The following NRIP1 variants were observed in gnomAD, a reference collection of about 807,000 sequenced individuals.
NRIP1 encodes nuclear receptor-interacting protein 1.
In NRIP1, 28 loss-of-function variants were observed where a neutral mutation model predicts 75.0. That is an observed-to-expected ratio of 0.37 (90% CI 0.28 to 0.51). The LOEUF (loss-of-function observed/expected upper bound fraction) is 0.51, where lower values mean the gene tolerates loss of function less well. Among genes scored for constraint, NRIP1 ranks in the 20% least tolerant of loss-of-function variants. NRIP1 has a pLI of 0.92. For missense variants in NRIP1, 1,435 were observed against 1,343.7 expected (o/e 1.07, Z -1.06); for synonymous variants, 526 against 487.6 (o/e 1.08, Z -1.04).
upstream of NRIP1, chr21:15,065,138 T>G (rs1466431708): frequency 2.5e-4 from 38 of 152,308 alleles, no homozygotes; most frequent in Admixed American, 2.5e-3. Context: ...TCTTAACCCT[T>G]TTCTCCCCCT....
intron 3 of NRIP1, among the ~76,000 whole-genome samples, chr21:15,003,013 C>A (rs1051713099): frequency 6.6e-6 from 1 of 151,990 alleles, no homozygotes; most frequent in African/African-American, 2.4e-5. Flanking sequence ...TATGGCATCA[C>A]GGTGGTATGG....
Position 14,965,064 on chromosome 21 carries a change from C to CT in NRIP1, c.3128dup (p.Trp1044ValfsTer5). The CT allele has an allele frequency of 6.2e-7, 1 of 1,613,868 alleles. No homozygotes were observed. The highest frequency in any genetic ancestry group is 8.5e-7 in the Non-Finnish European group (1 of 1,179,916). The stretch of plus-strand genomic sequence containing the variant: ...TCTTCTCCGCATCAGTGATAACCCA[C>CT]TTAATGGGTCCTTTCTCACTGGGCA... On this transcript the variant is annotated frameshift_variant, in exon 4 of 4. Coordinates refer to ENST00000318948, the MANE Select transcript of NRIP1 (RefSeq NM_003489.4). LOFTEE classifies it high-confidence loss of function.
At chr21:15,014,679 C>A (rs551890898) in intron 2 of NRIP1, among the ~76,000 whole-genome samples, 3 of 152,212 alleles carry the variant, frequency 2.0e-5, no homozygotes, top group South Asian at 4.1e-4. Flanking sequence ...ATAAAAGTAG[C>A]TGCTTCAACA....
chr21:15,040,072 A>G (rs1340862925), intron 2 of NRIP1, among the ~76,000 whole-genome samples: 1 of 152,116 alleles, frequency 6.6e-6, no homozygotes, highest in Non-Finnish European at 1.5e-5. Flanking sequence ...ATGTAACTCT[A>G]TAGCTGTGCT....
At position 14,967,470 on chromosome 21, in the gene NRIP1, C is replaced by T; in HGVS notation, c.723G>A (p.Gln241=). The T allele has an allele frequency of 6.2e-7, 1 of 1,614,122 alleles. No homozygotes were observed. The highest frequency in any genetic ancestry group is 1.1e-5 in the South Asian group (1 of 91,080). ...SEPLSCAARL[Q]AVASMVEKRA... is the part of the protein sequence containing the mutation. Reference sequence around the variant, plus strand: ...TTTTTTCCACCATGCTTGCAACAGCCTGTAATCTTGCAGCACATGACAACG... The same window carrying T: ...TTTTTTCCACCATGCTTGCAACAGCTTGTAATCTTGCAGCACATGACAACG... The change falls in exon 4 of 4, where the codon CAG becomes CAA. Residue 241 remains glutamine, a synonymous_variant. Coordinates refer to ENST00000318948, the MANE Select transcript of NRIP1 (RefSeq NM_003489.4).
chr21:15,016,120 T>A (rs1485119635), intron 2 of NRIP1, among the ~76,000 whole-genome samples: 3 of 152,204 alleles, frequency 2.0e-5, no homozygotes, highest in African/African-American at 7.2e-5. Context: ...TGTATTTGAT[T>A]TTCACAACTC....
In NRIP1 at chr21:14,968,238, A is replaced by C. The variant is rs1165986114; in HGVS notation, c.-46T>G. ...AGGGCTTGGTTTCTATTCACTTTAA[A>C]GAATGGTTTTCTGTGGTGAGTGCGA... On this transcript the variant is annotated 5_prime_UTR_variant, in exon 4 of 4. Transcript: ENST00000318948. 2 of 1,392,858 alleles carry C rather than the reference A, an allele frequency of 1.4e-6. No individual in the cohort carries two copies. The highest frequency in any genetic ancestry group is 2.9e-5 in the African/African-American group (2 of 69,156). The allele number at this position is 1,392,858 out of a possible 1,614,324, so 86.3% of individuals were successfully genotyped here. A position where few individuals can be genotyped will look rare whatever the true frequency, so the allele number is the denominator to read the frequency against.
chr21:15,001,584 T>C (rs2087850824), intron 3 of NRIP1, among the ~76,000 whole-genome samples: 1 of 152,124 alleles, frequency 6.6e-6, no homozygotes, highest in Non-Finnish European at 1.5e-5. Context: ...ATAAGAAATA[T>C]GCAATTTCCT....
intron 3 of NRIP1, among the ~76,000 whole-genome samples, chr21:15,012,601 C>T (rs954450983): frequency 6.6e-6 from 1 of 151,762 alleles, no homozygotes; most frequent in African/African-American, 2.4e-5. Context: ...TACAGGCACG[C>T]GCTACCACAC....
chr21:14,989,963 A>G (rs528617567), intron 3 of NRIP1, among the ~76,000 whole-genome samples: 21 of 152,238 alleles, frequency 1.4e-4, no homozygotes, highest in African/African-American at 5.1e-4. Context: ...AAAAAAAGAA[A>G]CATGAAAGAG....
chr21:15,008,045 A>G (rs1197875047), intron 3 of NRIP1, among the ~76,000 whole-genome samples: 5 of 152,206 alleles, frequency 3.3e-5, no homozygotes, highest in African/African-American at 1.2e-4. Context: ...CCCTCAGGGA[A>G]GACCCAGCAC....
intron 3 of NRIP1, among the ~76,000 whole-genome samples, chr21:14,978,760 G>A (rs1437430721): frequency 2.0e-5 from 3 of 152,042 alleles, no homozygotes; most frequent in African/African-American, 7.2e-5. Context: ...ATTTTACACT[G>A]CCTCTATAGT....
intron 1 of NRIP1, among the ~76,000 whole-genome samples, chr21:15,061,636 T>C (rs1368075104): frequency 1.3e-5 from 2 of 152,226 alleles, no homozygotes; most frequent in East Asian, 3.8e-4. Context: ...AAATTCGGTA[T>C]TTTAAACTCA....
intron 3 of NRIP1, among the ~76,000 whole-genome samples, chr21:14,987,691 T>G (rs184151446): frequency 6.6e-6 from 1 of 152,290 alleles, no homozygotes; most frequent in Admixed American, 6.5e-5. Flanking sequence ...CAAAGTGTAT[T>G]TTACATTTTA....
In NRIP1 at chr21:14,966,624, G is replaced by A. The variant is rs2086753314; in HGVS notation, c.1569C>T (p.His523=). ...GTGTATTGAACTTGCTCACATCATTGTGTACTCCCTGAGGGCTGGTGTTTT... is the reference window on the plus strand; with the variant it reads ...GTGTATTGAACTTGCTCACATCATTATGTACTCCCTGAGGGCTGGTGTTTT... ...VEKNTSPQGV[H]NDVSKFNTQN... is the part of the protein sequence containing the mutation. Residue 523 remains histidine (H), a synonymous_variant, in exon 4 of 4, where the codon CAC becomes CAT. Transcript: ENST00000318948. The A allele has an allele frequency of 1.2e-6, 2 of 1,613,990 alleles. No individual in the cohort carries two copies. Among genetic ancestry groups the A allele is most frequent in the Non-Finnish European group, 8.5e-7 (1 of 1,180,006 alleles).
intron 2 of NRIP1, among the ~76,000 whole-genome samples, chr21:15,040,107 CAT>C (rs1330514310): frequency 1.3e-5 from 2 of 152,090 alleles, no homozygotes; most frequent in Non-Finnish European, 2.9e-5. Context: ...TCACTAGACA[CAT>C]GTGGCTACTG....
At chr21:14,969,022 T>C (rs2086835489) in intron 3 of NRIP1, among the ~76,000 whole-genome samples, 1 of 152,210 alleles carries the variant, frequency 6.6e-6, no homozygotes, top group Non-Finnish European at 1.5e-5. Context: ...AACAGATTCA[T>C]TTCTGACATC....
intron 3 of NRIP1, among the ~76,000 whole-genome samples, chr21:14,995,101 A>G (rs997666492): frequency 5.9e-5 from 9 of 152,146 alleles, no homozygotes; most frequent in Non-Finnish European, 1.0e-4. Context: ...TCTGATCCAA[A>G]TAAAACAAAT....
At chr21:15,022,649 C>A (rs565502825) in intron 2 of NRIP1, among the ~76,000 whole-genome samples, 1 of 152,328 alleles carries the variant, frequency 6.6e-6, no homozygotes, top group East Asian at 1.9e-4. Context: ...ATTACAATTA[C>A]TCTTTGGAGA....
Sources: allele counts gnomAD v4.1 joint callset (sites outside exome capture counted in the v4.1 genomes callset), GRCh38; gene constraint gnomAD v4.1.1; transcripts MANE v1.5; gene names NCBI Gene and HGNC (gene_info 2026-07-23, HGNC 2026-07-21).